RBFOX1: variants seen among roughly 807,000 people sequenced by gnomAD.
The protein encoded by RBFOX1 is RNA binding fox-1 homolog 1.
Under a neutral mutation model 57.7 loss-of-function variants are expected in RBFOX1, and 8 were observed. The ratio of observed to expected loss-of-function variants is 0.14; its 90% confidence interval spans 0.08 to 0.25. The LOEUF (loss-of-function observed/expected upper bound fraction) is 0.25, where lower values mean the gene tolerates loss of function less well. Ranked by LOEUF, RBFOX1 falls within the 10% of genes least tolerant of loss-of-function variation. The pLI is 1.00. For synonymous variants in RBFOX1, 326 were observed against 222.4 expected (o/e 1.47, Z -4.15); for missense variants, 611 against 548.5 (o/e 1.11, Z -1.14).
chr16:7,344,393 T>A (rs910956386), intron 4 of RBFOX1, among the ~76,000 whole-genome samples: 1 of 149,926 alleles, frequency 6.7e-6, no homozygotes, highest in African/African-American at 2.4e-5. Context: ...TCATAAGATA[T>A]AATGCAATAT....
At chr16:7,492,214 A>T (rs929711610) in intron 4 of RBFOX1, among the ~76,000 whole-genome samples, 1 of 152,238 alleles carries the variant, frequency 6.6e-6, no homozygotes, top group African/African-American at 2.4e-5. Flanking sequence ...GTTCTTTAAG[A>T]TTCGTTTACC....
At chr16:7,350,265 G>C (rs2145897878) in intron 4 of RBFOX1, among the ~76,000 whole-genome samples, 1 of 152,316 alleles carries the variant, frequency 6.6e-6, no homozygotes, top group Middle Eastern at 3.4e-3. Flanking sequence ...GTACAGTCGT[G>C]GGGTATGGGA....
intron 2 of RBFOX1, among the ~76,000 whole-genome samples, chr16:5,567,460 A>G (rs954402044): frequency 2.0e-5 from 3 of 152,074 alleles, no homozygotes; most frequent in Non-Finnish European, 4.4e-5. Flanking sequence ...CACTTTACAG[A>G]CTGGGAAGCA....
chr16:6,068,896 G>A (rs2095800441), intron 1 of RBFOX1, among the ~76,000 whole-genome samples: 1 of 152,178 alleles, frequency 6.6e-6, no homozygotes, highest in Non-Finnish European at 1.5e-5. Flanking sequence ...TTTTGGGGCA[G>A]TGAGAATAAG....
At chr16:6,770,478 C>T (rs1265694700) in intron 3 of RBFOX1, among the ~76,000 whole-genome samples, 3 of 152,190 alleles carry the variant, frequency 2.0e-5, no homozygotes, top group East Asian at 3.8e-4. Flanking sequence ...TTTTGGGTAC[C>T]ACGGCAGAGC....
At chr16:7,486,399 A>G (rs1488695443) in intron 4 of RBFOX1, among the ~76,000 whole-genome samples, 3 of 151,960 alleles carry the variant, frequency 2.0e-5, no homozygotes, top group Non-Finnish European at 4.4e-5. Context: ...GCTTCCCAAA[A>G]GTGCTGGGAT....
rs569766009 is a variant in RBFOX1 at position 7,431,601 on chromosome 16, G to A, written c.28-86546G>A. 2.0e-5 allele frequency among the ~76,000 whole-genome samples: 3 copies of A among 152,288 alleles called. No individual in the cohort carries two copies. In the South Asian group the frequency reaches 6.2e-4, roughly 32 times the overall value. On this transcript the variant is annotated intron_variant, in intron 4 of 15. Transcript: ENST00000550418. ...TGGTAAAATACACGTAACATAAAAT[G>A]TGTCATCGGTGATATTTAATGCAAC...
At chr16:6,213,853 G>A (rs1598420595) in intron 1 of RBFOX1, among the ~76,000 whole-genome samples, 1 of 152,256 alleles carries the variant, frequency 6.6e-6, no homozygotes, top group African/African-American at 2.4e-5. Context: ...ACAGTTCTTT[G>A]TTATGGGAGG....
chr16:5,645,590 C>CAT, intron 3 of RBFOX1, among the ~76,000 whole-genome samples: 1 of 152,320 alleles, frequency 6.6e-6, no homozygotes, highest in East Asian at 1.9e-4. Context: ...AAAAGAGTCT[C>CAT]ATATATACAT....
At chr16:6,840,794 G>A (rs1293680777) in intron 3 of RBFOX1, among the ~76,000 whole-genome samples, 1 of 151,340 alleles carries the variant, frequency 6.6e-6, no homozygotes, top group African/African-American at 2.4e-5. Context: ...GGCTGAGGCA[G>A]GAGAATTGCT....
chr16:5,768,505 G>C (rs1330092725), intron 3 of RBFOX1, among the ~76,000 whole-genome samples: 2 of 152,162 alleles, frequency 1.3e-5, no homozygotes, highest in Non-Finnish European at 1.5e-5. Context: ...ATAGCTACAG[G>C]TGCAAAATGC....
chr16:6,518,995 T>G (rs1307717031), intron 2 of RBFOX1, among the ~76,000 whole-genome samples: 2 of 151,934 alleles, frequency 1.3e-5, no homozygotes, highest in Non-Finnish European at 2.9e-5. Flanking sequence ...GGGGGAAATA[T>G]TTTCTCAGTG....
intron 2 of RBFOX1, among the ~76,000 whole-genome samples, chr16:5,522,401 A>G (rs902308172): frequency 6.6e-6 from 1 of 152,202 alleles, no homozygotes; most frequent in Non-Finnish European, 1.5e-5. Flanking sequence ...TTAGGAAGCC[A>G]CATTTTTTAA....
intron 2 of RBFOX1, among the ~76,000 whole-genome samples, chr16:5,493,597 A>G (rs1055382537): frequency 6.6e-6 from 1 of 152,364 alleles, no homozygotes; most frequent in East Asian, 1.9e-4. Context: ...ATACACACCT[A>G]TCATGGGCAA....
chr16:7,286,421 T>A (rs1402229726), intron 4 of RBFOX1, among the ~76,000 whole-genome samples: 3 of 151,782 alleles, frequency 2.0e-5, no homozygotes, highest in Non-Finnish European at 4.4e-5. Context: ...GAGTGGGAAT[T>A]TGGGTTTCAT....
At chr16:6,875,217 GATA>G (rs1482715053) in intron 3 of RBFOX1, among the ~76,000 whole-genome samples, 1 of 152,144 alleles carries the variant, frequency 6.6e-6, no homozygotes, top group African/African-American at 2.4e-5. Context: ...TGATGATGAT[GATA>G]TTATCACTAT....
At position 6,780,366 on chromosome 16, in the gene RBFOX1, T is replaced by C. The variant is rs1171091631; in HGVS notation, c.-16+125716T>C. 3.9e-5 allele frequency among the ~76,000 whole-genome samples: 4 copies of C among 103,594 alleles called. 1 individual carries two copies. The highest frequency in any genetic ancestry group is 1.7e-4 in the African/African-American group (4 of 23,148). The allele number at this position is 103,594 out of a possible 152,430, so 68.0% of individuals were successfully genotyped here. ...ATTTATATACATATTTATATACATATTTATAGATATATTTATACATATTAT... is the reference window on the plus strand; with the variant it reads ...ATTTATATACATATTTATATACATACTTATAGATATATTTATACATATTAT... On this transcript the variant is annotated intron_variant, in intron 3 of 15. Coordinates refer to ENST00000550418, the MANE Select transcript of RBFOX1 (RefSeq NM_018723.4).
At chr16:5,844,997 A>G (rs2056716713) in intron 3 of RBFOX1, among the ~76,000 whole-genome samples, 1 of 152,264 alleles carries the variant, frequency 6.6e-6, no homozygotes, top group African/African-American at 2.4e-5. Context: ...ATATTAGCCC[A>G]GCACTTGGTT....
chr16:6,792,548 T>C (rs1208504061), intron 3 of RBFOX1, among the ~76,000 whole-genome samples: 1 of 152,196 alleles, frequency 6.6e-6, no homozygotes, highest in Non-Finnish European at 1.5e-5. Context: ...AAAATTGAGA[T>C]GTCCCCATGT....
Sources: gnomAD v4.1 joint callset for allele counts (sites outside exome capture counted in the v4.1 genomes callset) on GRCh38, gnomAD v4.1.1 for gene constraint, MANE v1.5 for transcripts, NCBI Gene and HGNC (gene_info 2026-07-23, HGNC 2026-07-21) for gene names.